Variants in EXTL3 observed in about 807,000 individuals in gnomAD.
EXTL3 encodes exostosin-like 3.
Under a neutral mutation model 69.3 loss-of-function variants are expected in EXTL3, and 27 were observed. The observed-to-expected ratio is 0.39, with a 90% CI of 0.29 to 0.54. The LOEUF is 0.54. Ranked by LOEUF, EXTL3 falls within the 20% of genes least tolerant of loss-of-function variation. EXTL3 has a pLI of 0.69. For synonymous variants in EXTL3, 511 were observed against 499.4 expected, an observed-to-expected ratio of 1.02 and a Z score of -0.31; for missense variants, 1,003 against 1,231.8, an observed-to-expected ratio of 0.81 and a Z score of 2.78.
At chr8:28,630,403 T>C (rs1468059471) in intron 1 of EXTL3, among the ~76,000 whole-genome samples, 1 of 152,134 alleles carries the variant, frequency 6.6e-6, no homozygotes, top group African/African-American at 2.4e-5. Context: ...GCAGTACTAA[T>C]ACATTAACCC....
At chr8:28,680,981 G>A (rs1011590690) in intron 1 of EXTL3, among the ~76,000 whole-genome samples, 5 of 151,850 alleles carry the variant, frequency 3.3e-5, no homozygotes, top group African/African-American at 1.2e-4. Flanking sequence ...GGGTTCAAGC[G>A]ATTCTCCTGC....
chr8:28,681,370 T>G (rs1168451200), intron 1 of EXTL3, among the ~76,000 whole-genome samples: 1 of 151,206 alleles, frequency 6.6e-6, no homozygotes, highest in Admixed American at 6.6e-5. Flanking sequence ...GCAAAAAAAT[T>G]AGCTGGGCAT....
Position 28,750,221 on chromosome 8 carries a change from A to G in EXTL3, c.2551-436A>G, listed in dbSNP as rs967554737. ...GTTAAGCATCTTTTTTATGGACAGTATTCAAGAATGATAGCCCCTCTTTGA... is the reference window on the plus strand; with the variant it reads ...GTTAAGCATCTTTTTTATGGACAGTGTTCAAGAATGATAGCCCCTCTTTGA... On this transcript the variant is annotated intron_variant, in intron 6 of 6. Transcript: ENST00000220562. The surrounding 1 kb of genome is among the most constrained non-coding windows in gnomAD (Gnocchi z 5.2). 6.6e-6 allele frequency among the ~76,000 whole-genome samples: 1 copy of G among 152,250 alleles called. No individual in the cohort carries two copies. The highest frequency in any genetic ancestry group is 2.1e-4 in the South Asian group (1 of 4,822).
intron 6 of EXTL3, among the ~76,000 whole-genome samples, chr8:28,746,165 T>C (rs1223917808): frequency 6.6e-6 from 1 of 152,184 alleles, no homozygotes; most frequent in Non-Finnish European, 1.5e-5. Context: ...AACTATTCCT[T>C]GTTTGAGTTA....
In EXTL3 at chr8:28,717,657, T is replaced by C. The variant is rs1427220649; in HGVS notation, c.1598T>C (p.Met533Thr). Residue 533 changes from methionine to threonine, a missense_variant, in exon 3 of 7, where the codon ATG (methionine) becomes ACG (threonine). By Grantham distance (81) the Met-to-Thr change is moderately conservative. This residue lies in a region of EXTL3 where 742 missense variants were observed against 815.4 expected (regional missense o/e 0.91). Coordinates refer to ENST00000220562, the MANE Select transcript of EXTL3 (RefSeq NM_001440.4). This position sits in a 1 kb window ranked among gnomAD's most constrained non-coding sequence, Gnocchi z 8.3. ...ADSIFNTVLA[M>T]IRTRIQIPAA... The stretch of plus-strand genomic sequence containing the variant: ...AGTATTTTTAATACCGTGCTGGCTA[T>C]GATTAGGACTCGCATCCAGATCCCA... 1 of 1,614,230 alleles carries C rather than the reference T, an allele frequency of 6.2e-7. No homozygotes were observed. The highest frequency in any genetic ancestry group is 8.5e-7 in the Non-Finnish European group (1 of 1,180,032).
chr8:28,738,688 CT>C (rs1269824990), intron 5 of EXTL3, among the ~76,000 whole-genome samples: 1 of 152,214 alleles, frequency 6.6e-6, no homozygotes, highest in Non-Finnish European at 1.5e-5. Flanking sequence ...TCCCATTAGC[CT>C]TTTCCTGTAG....
At chr8:28,756,287 G>C (rs1417449270), downstream of EXTL3, among the ~76,000 whole-genome samples, 1 of 152,118 alleles carries the variant, frequency 6.6e-6, no homozygotes, top group Admixed American at 6.6e-5. Context: ...AGCCAATGCT[G>C]ATGGTTTTTT....
At chr8:28,725,123 C>T (rs568022945) in intron 3 of EXTL3, among the ~76,000 whole-genome samples, 2 of 152,076 alleles carry the variant, frequency 1.3e-5, no homozygotes, top group East Asian at 1.9e-4. Context: ...GTATTATGTA[C>T]GTATATATGT....
rs1346121976 is a variant in EXTL3 at position 28,623,353 on chromosome 8, G to C, written c.-53+543G>C. ...GACACCACAGAATGCGGACCCCAAA[G>C]CCAGCCGTACCTGCGAGCCCCTCAG... On this transcript the variant is annotated intron_variant, in intron 1 of 6. Coordinates refer to the EXTL3 transcript ENST00000523149. The surrounding 1 kb of genome is among the most constrained non-coding windows in gnomAD (Gnocchi z 4.2). Among the ~76,000 whole-genome samples the C allele has an allele frequency of 6.6e-6, 1 of 152,186 alleles. No individual in the cohort carries two copies. Among genetic ancestry groups the C allele is most frequent in the Admixed American group, 6.5e-5 (1 of 15,292 alleles).
chr8:28,654,954 G>T (rs181529162), intron 1 of EXTL3, among the ~76,000 whole-genome samples: 1 of 152,268 alleles, frequency 6.6e-6, no homozygotes, highest in Non-Finnish European at 1.5e-5. Flanking sequence ...TAAAATGGTG[G>T]CAGACCTTTG....
chr8:28,651,560 A>C (rs565893611), intron 1 of EXTL3, among the ~76,000 whole-genome samples: 1 of 152,150 alleles, frequency 6.6e-6, no homozygotes, highest in Non-Finnish European at 1.5e-5. Flanking sequence ...CCTGGGCTCA[A>C]GTGATCCTCC....
chr8:28,735,595 C>G (rs1294760538), intron 4 of EXTL3, among the ~76,000 whole-genome samples: 1 of 152,138 alleles, frequency 6.6e-6, no homozygotes, highest in Non-Finnish European at 1.5e-5. Context: ...TACCCTGACC[C>G]TTTTCTCATG....
chr8:28,694,248 T>C (rs1256319028), intron 1 of EXTL3, among the ~76,000 whole-genome samples: 1 of 152,188 alleles, frequency 6.6e-6, no homozygotes, highest in Non-Finnish European at 1.5e-5. Context: ...TAAACTAATT[T>C]ATTGGTAAGA....
rs547321382 is a variant in EXTL3 at position 28,754,470 on chromosome 8, C to G, written c.*3604C>G. 6.6e-6 allele frequency: 1 copy of G among 152,380 alleles called. No homozygotes were observed. The highest frequency in any genetic ancestry group is 2.1e-4 in the South Asian group (1 of 4,832). 9.4% of individuals were successfully genotyped at this position (152,380 alleles called of 1,614,324 possible). On this transcript the variant is annotated 3_prime_UTR_variant, in exon 7 of 7. Coordinates refer to ENST00000220562, the MANE Select transcript of EXTL3 (RefSeq NM_001440.4). ...GACTGATCAGGCAAGTTTGCAGCAG[C>G]TGATGGGTGAGATGTCATCGAGGGG...
At chr8:28,736,759 A>C (rs1228187065) in intron 4 of EXTL3, among the ~76,000 whole-genome samples, 5 of 152,242 alleles carry the variant, frequency 3.3e-5, no homozygotes. Context: ...TTCTGAACTA[A>C]TATGTCATGC....
intron 1 of EXTL3, among the ~76,000 whole-genome samples, chr8:28,644,010 T>A (rs1806788318): frequency 6.6e-6 from 1 of 152,180 alleles, no homozygotes; most frequent in Admixed American, 6.5e-5. Context: ...AGTGGTCCTC[T>A]GCCTCGGCTT....
intron 2 of EXTL3, among the ~76,000 whole-genome samples, chr8:28,611,724 T>C (rs1337734799): frequency 6.6e-6 from 1 of 152,174 alleles, no homozygotes; most frequent in East Asian, 1.9e-4. Flanking sequence ...CAGAGCCACT[T>C]TGCTCCCTTG....
At chr8:28,643,540 G>C (rs1281952922) in intron 1 of EXTL3, among the ~76,000 whole-genome samples, 1 of 150,370 alleles carries the variant, frequency 6.7e-6, no homozygotes, top group African/African-American at 2.5e-5. Context: ...TCAGCCTCCC[G>C]AGTAGCTGGG....
chr8:28,736,401 T>C (rs1339054773), intron 4 of EXTL3, among the ~76,000 whole-genome samples: 2 of 152,234 alleles, frequency 1.3e-5, no homozygotes, highest in East Asian at 3.8e-4. Flanking sequence ...GCCTGTCAGG[T>C]CCTGTGGAGC....
Sources: allele counts gnomAD v4.1 joint callset (sites outside exome capture counted in the v4.1 genomes callset), GRCh38; gene constraint gnomAD v4.1.1; regional missense constraint gnomAD v4.1.1; non-coding constraint Gnocchi (gnomAD v3.1); transcripts MANE v1.5; gene names NCBI Gene and HGNC (gene_info 2026-07-23, HGNC 2026-07-21).